Variants in TMEM130 observed in about 807,000 individuals in gnomAD.
TMEM130 encodes transmembrane protein 130.
Under a neutral mutation model 42.9 loss-of-function variants are expected in TMEM130, and 37 were observed. That is an observed-to-expected ratio of 0.86 (90% confidence interval 0.66 to 1.13). The LOEUF is 1.13. TMEM130 is among the 50% of genes most tolerant of loss of function. The pLI, the probability that TMEM130 is intolerant of heterozygous loss-of-function variation, is 0.00. For synonymous variants in TMEM130, 259 were observed against 237.7 expected (o/e 1.09, Z -0.82); for missense variants, 545 against 562.6 (o/e 0.97, Z 0.32).
chr7:98,851,535 C>T lies in TMEM130; in HGVS notation c.892G>A (p.Ala298Thr), dbSNP rs782310701. The T allele has an allele frequency of 6.2e-7, 1 of 1,614,136 alleles. No individual in the cohort carries two copies. Among genetic ancestry groups the T allele is most frequent in the Admixed American group, 1.7e-5 (1 of 60,004 alleles). Residue 298 changes from alanine (A) to threonine (T), a missense_variant, in exon 6 of 8, where the codon GCG (alanine) becomes ACG (threonine). Physicochemically the swap from Ala to Thr is moderately conservative, Grantham distance 58 (BLOSUM62 0). Coordinates refer to ENST00000339375, the MANE Select transcript of TMEM130 (RefSeq NM_152913.3). ...ECHPVSVAST[A>T]YNLTHTFRDP... ...CTGAAGGTGTGGGTCAGGTTGTACG[C>T]TGTGCTGGCCACGGACACAGGGTGG...
intron 5 of TMEM130, among the ~76,000 whole-genome samples, chr7:98,851,951 G>T (rs1203845): frequency 0.9 from 137,119 of 151,898 alleles, 62,004 homozygotes; most frequent in Non-Finnish European, 0.94. Flanking sequence ...CCCTTTTTGT[G>T]TTTTGCATTT....
intron 6 of TMEM130, among the ~76,000 whole-genome samples, chr7:98,850,274 T>TATATATATATATATATATA (rs1491493786): frequency 6.4e-5 from 2 of 31,236 alleles, no homozygotes; most frequent in Admixed American, 3.3e-4. Flanking sequence ...TATATATATA[T>TATATATATATATATATATA]TTTTTTTTTT....
chr7:98,869,921 G>C lies in TMEM130; in HGVS notation c.-60C>G. The C allele has an allele frequency of 1.7e-6, 2 of 1,186,716 alleles. No homozygotes were observed. The highest frequency in any genetic ancestry group is 1.1e-6 in the Non-Finnish European group (1 of 932,246). 73.5% of individuals were successfully genotyped at this position (1,186,716 alleles called of 1,614,324 possible). A position where few individuals can be genotyped will look rare whatever the true frequency, so the allele number is the denominator to read the frequency against. ...CGCGGAGGGAATGCAGCTGGAGCTCGAGAACTGCGGCGGTCGCTCCTCCGG... is the reference window on the plus strand; with the variant it reads ...CGCGGAGGGAATGCAGCTGGAGCTCCAGAACTGCGGCGGTCGCTCCTCCGG... On this transcript the variant is annotated 5_prime_UTR_variant, in exon 1 of 8. Transcript: ENST00000339375. This position sits in a 1 kb window ranked among gnomAD's most constrained non-coding sequence, Gnocchi z 4.7.
At chr7:98,857,545 C>T (rs997872178) in intron 3 of TMEM130, among the ~76,000 whole-genome samples, 5 of 151,966 alleles carry the variant, frequency 3.3e-5, no homozygotes, top group South Asian at 2.1e-4. Context: ...ACAAAAAATA[C>T]AAAAATTAGC....
rs574300395 is a variant in TMEM130, at chr7:98,852,573, TTTTG to T, written c.804-954_804-951del. ...CTGCAACCAGCATGAGAGAGTTGTT[TTTTG>T]TTTGTTTGTTTTGTTTTTGTTTTTG... On this transcript the variant is annotated intron_variant, in intron 5 of 7. Transcript: ENST00000339375. Among the ~76,000 whole-genome samples, 1,017 of 151,922 alleles carry T rather than the reference TTTTG, an allele frequency of 6.7e-3. 6 individuals are homozygous for T. Among genetic ancestry groups the T allele is most frequent in the Non-Finnish European group, 0.011 (739 of 67,912 alleles).
chr7:98,860,182 T>A lies in TMEM130; in HGVS notation c.548A>T (p.Asp183Val), dbSNP rs782348466. 6 of 1,611,852 alleles carry A rather than the reference T, an allele frequency of 3.7e-6. No homozygotes were observed. In the East Asian group the frequency reaches 1.3e-4, roughly 36 times the overall value. Residue 183 changes from aspartate to valine, a missense_variant, in exon 3 of 8, where the codon GAC becomes GTC. Coordinates refer to ENST00000339375, the MANE Select transcript of TMEM130 (RefSeq NM_152913.3). ...ALFLYSWDFG[D>V]GTQMVTEDSV... Reference sequence around the variant, plus strand: ...CTGCAGAGGGGTAAGGACCTACCCGTCCCCGAAGTCCCAGCTGTAGAGAAA... The same window carrying A: ...CTGCAGAGGGGTAAGGACCTACCCGACCCCGAAGTCCCAGCTGTAGAGAAA...
chr7:98,869,728 C>A lies in TMEM130; in HGVS notation c.85+49G>T. On this transcript the variant is annotated intron_variant, in intron 1 of 7. Transcript: ENST00000339375. The surrounding 1 kb of genome is among the most constrained non-coding windows in gnomAD (Gnocchi z 4.7). Reference sequence around the variant, plus strand: ...ACTCGCCCGCTGAGACGGTTCCAGGCCCCGGGCGGGCTGCGGCTGCAGGGA... The same window carrying A: ...ACTCGCCCGCTGAGACGGTTCCAGGACCCGGGCGGGCTGCGGCTGCAGGGA... 2.3e-6 allele frequency: 3 copies of A among 1,298,452 alleles called. No individual in the cohort carries two copies. The highest frequency in any genetic ancestry group is 3.0e-6 in the Non-Finnish European group (3 of 1,007,810). The allele number at this position is 1,298,452 out of a possible 1,614,324, so 80.4% of individuals were successfully genotyped here. A position where few individuals can be genotyped will look rare whatever the true frequency, so the allele number is the denominator to read the frequency against.
At chr7:98,851,332 G>T in intron 6 of TMEM130, 89 bp downstream of exon 6, 1 of 1,357,486 alleles carries the variant, frequency 7.4e-7, no homozygotes, top group Non-Finnish European at 1.0e-6. Flanking sequence ...GGTAAGGCTG[G>T]CTGGTAGGAG....
Position 98,869,733 on chromosome 7 carries a change from G to C in TMEM130, c.85+44C>G. 1 of 1,314,860 alleles carries C rather than the reference G, an allele frequency of 7.6e-7. No individual in the cohort carries two copies. The highest frequency in any genetic ancestry group is 9.8e-7 in the Non-Finnish European group (1 of 1,022,380). The allele number at this position is 1,314,860 out of a possible 1,614,324, so 81.4% of individuals were successfully genotyped here. A position where few individuals can be genotyped will look rare whatever the true frequency, so the allele number is the denominator to read the frequency against. On this transcript the variant is annotated intron_variant, in intron 1 of 7. Transcript: ENST00000339375. The surrounding 1 kb of genome is among the most constrained non-coding windows in gnomAD (Gnocchi z 4.7). The stretch of plus-strand genomic sequence containing the variant: ...CCCGCTGAGACGGTTCCAGGCCCCG[G>C]GCGGGCTGCGGCTGCAGGGAGGCCG...
Position 98,869,430 on chromosome 7 carries a change from C to A in TMEM130, c.85+347G>T. 8.2e-7 allele frequency: 1 copy of A among 1,217,656 alleles called. No individual in the cohort carries two copies. Among genetic ancestry groups the A allele is most frequent in the Non-Finnish European group, 1.0e-6 (1 of 960,468 alleles). 75.4% of individuals were successfully genotyped at this position (1,217,656 alleles called of 1,614,324 possible). ...ATGACGGACCCTGGCGCATCCCCGC[C>A]TCCCTGCCTCGTCCTCCCCTCCCTT... On this transcript the variant is annotated intron_variant, in intron 1 of 7. Coordinates refer to ENST00000339375, the MANE Select transcript of TMEM130 (RefSeq NM_152913.3). This position sits in a 1 kb window ranked among gnomAD's most constrained non-coding sequence, Gnocchi z 4.7.
rs1794644810 is a variant in TMEM130 at position 98,856,810 on chromosome 7, G to A, written c.552-627C>T. On this transcript the variant is annotated intron_variant, in intron 3 of 7. Coordinates refer to ENST00000339375, the MANE Select transcript of TMEM130 (RefSeq NM_152913.3). ...CTGTGCCAGCCAAGCCGAGGGTTCT[G>A]TTGGACAAAGCTGCCATCCAGATTT... Among the ~76,000 whole-genome samples, 3 of 152,264 alleles carry A rather than the reference G, an allele frequency of 2.0e-5. No homozygotes were observed. The South Asian group carries it at 6.2e-4, about 32-fold the overall frequency.
At chr7:98,865,591 A>G (rs1794889531) in intron 1 of TMEM130, among the ~76,000 whole-genome samples, 1 of 152,146 alleles carries the variant, frequency 6.6e-6, no homozygotes, top group South Asian at 2.1e-4. Flanking sequence ...CTGGACGACA[A>G]GAGCGAAACT....
intron 4 of TMEM130, among the ~76,000 whole-genome samples, chr7:98,855,598 C>A (rs1280543184): frequency 6.6e-6 from 1 of 152,222 alleles, no homozygotes; most frequent in Non-Finnish European, 1.5e-5. Flanking sequence ...CAGGAGAGCA[C>A]CATCCCGTCA....
chr7:98,854,045 T>G (rs62471979), intron 5 of TMEM130, among the ~76,000 whole-genome samples: 1 of 149,138 alleles, frequency 6.7e-6, no homozygotes, highest in Non-Finnish European at 1.5e-5. Flanking sequence ...TTTTTTTGTT[T>G]TTTTTTTTTT....
intron 3 of TMEM130, among the ~76,000 whole-genome samples, chr7:98,857,650 T>C (rs1794664334): frequency 6.7e-6 from 1 of 149,992 alleles, no homozygotes; most frequent in Non-Finnish European, 1.5e-5. Flanking sequence ...CAGTGAGCAG[T>C]GATCACGCCA....
At chr7:98,864,381 CTTT>C (rs77399182) in intron 1 of TMEM130, among the ~76,000 whole-genome samples, 7 of 137,918 alleles carry the variant, frequency 5.1e-5, no homozygotes, top group African/African-American at 1.3e-4. Context: ...TGATTTTTTT[CTTT>C]TTTTTTTTTT....
chr7:98,851,277 T>G, intron 6 of TMEM130, 144 bp downstream of exon 6: 2 of 772,030 alleles, frequency 2.6e-6, no homozygotes, highest in Non-Finnish European at 2.2e-6. Flanking sequence ...GTCAGTGGGG[T>G]TATGGATGGT....
At chr7:98,859,006 G>A (rs1247651918) in intron 3 of TMEM130, among the ~76,000 whole-genome samples, 5 of 147,770 alleles carry the variant, frequency 3.4e-5, no homozygotes, top group African/African-American at 1.3e-4. Flanking sequence ...GAGGGGAGAG[G>A]AGAGGAAGGG....
rs914389027 is a variant in TMEM130 at position 98,847,365 on chromosome 7, C to G, written c.*691G>C. ...GCAGAGACAAAGCACAAAGGGAGGG[C>G]CCGGGCCCAGAACCTGTCAGGGCTG... On this transcript the variant is annotated 3_prime_UTR_variant, in exon 8 of 8. Coordinates refer to ENST00000339375, the MANE Select transcript of TMEM130 (RefSeq NM_152913.3). 6.6e-6 allele frequency: 1 copy of G among 152,268 alleles called. No homozygotes were observed. Among genetic ancestry groups the G allele is most frequent in the Admixed American group, 6.5e-5 (1 of 15,272 alleles). 9.4% of individuals were successfully genotyped at this position (152,268 alleles called of 1,614,324 possible).
Sources: gnomAD v4.1 joint callset for allele counts (sites outside exome capture counted in the v4.1 genomes callset) on GRCh38, gnomAD v4.1.1 for gene constraint, Gnocchi (gnomAD v3.1) non-coding constraint, MANE v1.5 for transcripts, NCBI Gene and HGNC (gene_info 2026-07-23, HGNC 2026-07-21) for gene names.